Variants in TP63 observed in about 807,000 individuals in gnomAD.
TP63 encodes tumor protein 63.
Under a neutral mutation model 82.8 loss-of-function variants are expected in TP63, and 17 were observed. That is an observed-to-expected ratio of 0.21 (90% confidence interval 0.14 to 0.31). TP63 has a LOEUF of 0.31. Among genes scored for constraint, TP63 ranks in the 10% least tolerant of loss-of-function variants. The pLI is 1.00. For synonymous variants in TP63, 330 were observed against 321.7 expected (o/e 1.03, Z -0.28); for missense variants, 648 against 895.3 (o/e 0.72, Z 3.52).
chr3:189,763,223 G>A (rs4618206), intron 3 of TP63, among the ~76,000 whole-genome samples: 34,859 of 152,008 alleles, frequency 0.23, 4,242 homozygotes, highest in African/African-American at 0.29. Context: ...GCAGTGATCC[G>A]TGACTGTGCC....
intron 1 of TP63, among the ~76,000 whole-genome samples, chr3:189,704,310 T>A (rs147893851): frequency 0.026 from 3,986 of 152,374 alleles, 71 homozygotes; most frequent in Non-Finnish European, 0.041. Flanking sequence ...CTCTACGTGG[T>A]AATACTGAAT....
chr3:189,799,422 G>A (rs1322206250), intron 3 of TP63, among the ~76,000 whole-genome samples: 4 of 152,036 alleles, frequency 2.6e-5, no homozygotes, highest in African/African-American at 9.7e-5. Flanking sequence ...TGCTCCATCA[G>A]TAGGAAGTGA....
intron 4 of TP63, among the ~76,000 whole-genome samples, chr3:189,839,040 T>TAAAAAAAAAAAAAAAAA (rs5855274): frequency 2.3e-5 from 2 of 88,604 alleles, no homozygotes; most frequent in African/African-American, 4.8e-5. Context: ...TATCCTAAGC[T>TAAAAAAAAAAAAAAAAA]AAAAAAAAAA....
chr3:189,881,201 T>A (rs1298332781), intron 10 of TP63: 1 of 985,352 alleles, frequency 1.0e-6, no homozygotes, highest in Non-Finnish European at 1.2e-6. Flanking sequence ...GTAAGTGAGA[T>A]CCAAGCAGAC....
chr3:189,884,413 G>T (rs938550009), intron 10 of TP63, among the ~76,000 whole-genome samples: 5 of 152,154 alleles, frequency 3.3e-5, no homozygotes, highest in Non-Finnish European at 7.4e-5. Context: ...AACAATAGGT[G>T]CCAGGAGACC....
At chr3:189,605,204 A>G in the TP63 span, among the ~76,000 whole-genome samples, 1 of 152,258 alleles carries the variant, frequency 6.6e-6, no homozygotes, top group East Asian at 1.9e-4. Context: ...TGAAAATATT[A>G]GTCAAGAAGG....
intron 10 of TP63, among the ~76,000 whole-genome samples, chr3:189,878,446 T>C (rs536771500): frequency 6.9e-6 from 1 of 145,574 alleles, no homozygotes; most frequent in South Asian, 2.2e-4. Context: ...TAGAGTGCAG[T>C]GGCATGATCT....
chr3:189,630,869 T>C (rs1297566537), upstream of TP63, among the ~76,000 whole-genome samples: 1 of 151,952 alleles, frequency 6.6e-6, no homozygotes, highest in Admixed American at 6.6e-5. Context: ...CTATTTGAGA[T>C]TGTGACCACA....
At chr3:189,639,984 T>A (rs1460180365) in intron 1 of TP63, among the ~76,000 whole-genome samples, 1 of 152,140 alleles carries the variant, frequency 6.6e-6, no homozygotes, top group Admixed American at 6.5e-5. Context: ...CTTAAAAACA[T>A]CAAACTTTAA....
At chr3:189,722,173 G>T (rs1403295196) in intron 1 of TP63, among the ~76,000 whole-genome samples, 1 of 152,210 alleles carries the variant, frequency 6.6e-6, no homozygotes, top group East Asian at 1.9e-4. Flanking sequence ...CTGGGGGCCA[G>T]ATTAAACAAA....
intron 4 of TP63, among the ~76,000 whole-genome samples, chr3:189,814,738 T>C (rs889550349): frequency 1.3e-5 from 2 of 152,196 alleles, no homozygotes; most frequent in Admixed American, 1.3e-4. Flanking sequence ...CGAAGAGTTG[T>C]TCCCTCATCC....
At chr3:189,807,933 ATT>A (rs1727091056) in intron 3 of TP63, among the ~76,000 whole-genome samples, 1 of 152,190 alleles carries the variant, frequency 6.6e-6, no homozygotes, top group Non-Finnish European at 1.5e-5. Context: ...AGCAGGCAGT[ATT>A]TATTTAAAGA....
intron 1 of TP63, among the ~76,000 whole-genome samples, chr3:189,735,497 C>T (rs73197812): frequency 0.38 from 57,487 of 152,002 alleles, 11,371 homozygotes; most frequent in East Asian, 0.49. Context: ...ATCAACCACA[C>T]GGTTCAATCA....
At chr3:189,658,598 TAA>T (rs1261742976) in intron 1 of TP63, among the ~76,000 whole-genome samples, 2 of 151,984 alleles carry the variant, frequency 1.3e-5, no homozygotes, top group African/African-American at 4.8e-5. Flanking sequence ...TCCATAACGC[TAA>T]TTCTAATCAT....
At chr3:189,868,029 T>C (rs1490919998) in intron 7 of TP63, 87 bp downstream of exon 7, 11 of 1,093,818 alleles carry the variant, frequency 1.0e-5, no homozygotes, top group South Asian at 6.6e-5. Flanking sequence ...ATCATTAATT[T>C]TGCATGTGCA....
At chr3:189,860,610 G>T (rs1716906580) in intron 4 of TP63, among the ~76,000 whole-genome samples, 1 of 152,184 alleles carries the variant, frequency 6.6e-6, no homozygotes, top group Admixed American at 6.5e-5. Flanking sequence ...ACTGGTAGTT[G>T]AACCAAAAGC....
intron 10 of TP63, among the ~76,000 whole-genome samples, chr3:189,879,573 T>C (rs1719677095): frequency 1.3e-5 from 2 of 152,216 alleles, no homozygotes; most frequent in South Asian, 4.1e-4. Context: ...ACAAGAACTG[T>C]AATGAGGGAT....
chr3:189,801,058 A>T (rs886777699), intron 3 of TP63, among the ~76,000 whole-genome samples: 1 of 152,174 alleles, frequency 6.6e-6, no homozygotes, highest in Non-Finnish European at 1.5e-5. Context: ...ACAATTTAGG[A>T]TATGAACTAG....
chr3:189,852,049 C>T (rs1029805005), intron 4 of TP63, among the ~76,000 whole-genome samples: 2 of 152,214 alleles, frequency 1.3e-5, no homozygotes, highest in Admixed American at 6.5e-5. Flanking sequence ...TTCCTCTTTT[C>T]TTAGAAGAAA....
Sources: gnomAD v4.1 joint callset for allele counts (sites outside exome capture counted in the v4.1 genomes callset) on GRCh38, gnomAD v4.1.1 for gene constraint, MANE v1.5 for transcripts, NCBI Gene and HGNC (gene_info 2026-07-23, HGNC 2026-07-21) for gene names.